AKAP13: variants seen among roughly 807,000 people sequenced by gnomAD.
AKAP13 encodes A-kinase anchor protein 13.
In AKAP13, 80 loss-of-function variants were observed where a neutral mutation model predicts 264.5. The observed-to-expected ratio is 0.30, with a 90% CI of 0.25 to 0.36. The LOEUF (loss-of-function observed/expected upper bound fraction) is 0.36, where lower values mean the gene tolerates loss of function less well. Among genes scored for constraint, AKAP13 ranks in the 10% least tolerant of loss-of-function variants. AKAP13 has a pLI of 1.00. For missense variants in AKAP13, 3,712 were observed against 3,435.2 expected, an observed-to-expected ratio of 1.08 and a Z score of -2.01; for synonymous variants, 1,380 against 1,250.2, an observed-to-expected ratio of 1.10 and a Z score of -2.19.
chr15:85,632,850 A>G (rs1301168222), intron 8 of AKAP13, among the ~76,000 whole-genome samples: 1 of 143,462 alleles, frequency 7.0e-6, no homozygotes, highest in African/African-American at 2.6e-5. Flanking sequence ...GAAGGTAATG[A>G]AAAGTATTCT....
At chr15:85,542,352 G>T (rs1159972233) in intron 4 of AKAP13, among the ~76,000 whole-genome samples, 1 of 152,142 alleles carries the variant, frequency 6.6e-6, no homozygotes, top group Non-Finnish European at 1.5e-5. Context: ...ATGAAAAATT[G>T]TGCTTCCAAG....
intron 1 of AKAP13, among the ~76,000 whole-genome samples, chr15:85,427,521 G>A (rs914880425): frequency 1.2e-4 from 19 of 152,070 alleles, no homozygotes; most frequent in African/African-American, 2.4e-4. Context: ...GTGTGTGTGC[G>A]CACACACACG....
In AKAP13 at chr15:85,579,886, C is replaced by A; in HGVS notation, c.1818C>A (p.Leu606=). The change falls in exon 7 of 37, where the codon CTC becomes CTA. Residue 606 remains leucine (L), a synonymous_variant. Coordinates refer to ENST00000394518, the MANE Select transcript of AKAP13 (RefSeq NM_007200.5). ...CAGATGGATTAGAACCTTATACTCTCTTAGCAGCAGGCATAGGTGAGGCAA... is the reference window on the plus strand; with the variant it reads ...CAGATGGATTAGAACCTTATACTCTATTAGCAGCAGGCATAGGTGAGGCAA... ...KISDGLEPYT[L]LAAGIGEAMS... is the part of the protein sequence containing the mutation. The A allele has an allele frequency of 6.2e-7, 1 of 1,614,212 alleles. No individual in the cohort carries two copies. The highest frequency in any genetic ancestry group is 1.3e-5 in the African/African-American group (1 of 75,062).
chr15:85,581,550 A>G lies in AKAP13; in HGVS notation c.3482A>G (p.Lys1161Arg), dbSNP rs146289419. The change falls in exon 7 of 37, where the codon AAG becomes AGG. Residue 1161 changes from lysine to arginine, a missense_variant. Transcript: ENST00000394518. ...EMIPLDWEKG[K>R]LEGADHSCTM... ...ATACCTCTTGATTGGGAGAAAGGGA[A>G]GCTGGAGGGAGCAGACCACAGCTGT... 3 of 1,614,192 alleles carry G rather than the reference A, an allele frequency of 1.9e-6. No homozygotes were observed. The highest frequency in any genetic ancestry group is 1.1e-5 in the South Asian group (1 of 91,082).
chr15:85,704,001 T>G (rs192476625), intron 17 of AKAP13, among the ~76,000 whole-genome samples: 1 of 152,246 alleles, frequency 6.6e-6, no homozygotes, highest in East Asian at 1.9e-4. Flanking sequence ...TTTAACTGTT[T>G]TTTGTTTTAT....
At chr15:85,553,769 G>A (rs757888008) in intron 5 of AKAP13, among the ~76,000 whole-genome samples, 10 of 152,198 alleles carry the variant, frequency 6.6e-5, no homozygotes, top group African/African-American at 2.2e-4. Context: ...GTGTCAGGCG[G>A]GCGAGCGAGC....
chr15:85,647,079 A>G (rs1018636344), intron 10 of AKAP13, among the ~76,000 whole-genome samples: 1 of 152,188 alleles, frequency 6.6e-6, no homozygotes, highest in Non-Finnish European at 1.5e-5. Context: ...TAGGTTGTCC[A>G]AGATGGTGAA....
rs2083400892 is a variant in AKAP13, at chr15:85,662,478, C to CA, written c.4800-2084dup. ...GGTATGATATTGTTATGTGTCCCGC[C>CA]ACCAAATGGGGAACCATAAAATACG... On this transcript the variant is annotated intron_variant, in intron 12 of 36. Coordinates refer to ENST00000394518, the MANE Select transcript of AKAP13 (RefSeq NM_007200.5). 4 of 1,613,608 alleles carry CA rather than the reference C, an allele frequency of 2.5e-6. No individual in the cohort carries two copies. In the Admixed American group the frequency reaches 5.0e-5, roughly 20 times the overall value.
At chr15:85,538,802 A>C (rs2077487755) in intron 4 of AKAP13, among the ~76,000 whole-genome samples, 1 of 136,392 alleles carries the variant, frequency 7.3e-6, no homozygotes, top group Non-Finnish European at 1.6e-5. Context: ...ATAGCTTTTC[A>C]TAAATATTTT....
In AKAP13 at chr15:85,666,773, G is replaced by A. The variant is rs548019316; in HGVS notation, c.4992+2018G>A. Among the ~76,000 whole-genome samples, 8 of 152,278 alleles carry A rather than the reference G, an allele frequency of 5.3e-5. No homozygotes were observed. The South Asian group carries it at 1.7e-3, about 32-fold the overall frequency. ...TAATTTCTGCTGCTACCAGTCTCTT[G>A]AAACTCCTGTCTTGAAGGTCATGGA... On this transcript the variant is annotated intron_variant, in intron 13 of 36. Coordinates refer to ENST00000394518, the MANE Select transcript of AKAP13 (RefSeq NM_007200.5).
At chr15:85,410,301 T>C (rs538165340) in intron 1 of AKAP13, among the ~76,000 whole-genome samples, 4 of 151,634 alleles carry the variant, frequency 2.6e-5, no homozygotes, top group Non-Finnish European at 4.4e-5. Context: ...CAGTAGTAGT[T>C]GTCTTGGGGC....
chr15:85,537,428 T>G (rs75114119), intron 4 of AKAP13, among the ~76,000 whole-genome samples: 75 of 152,386 alleles, frequency 4.9e-4, no homozygotes, highest in African/African-American at 1.4e-3. Context: ...AAGTAGTTTA[T>G]GTAAGATTTA....
At position 85,581,046 on chromosome 15, in the gene AKAP13, C is replaced by T; in HGVS notation, c.2978C>T (p.Ala993Val). 1 of 1,613,900 alleles carries T rather than the reference C, an allele frequency of 6.2e-7. No homozygotes were observed. The highest frequency in any genetic ancestry group is 8.5e-7 in the Non-Finnish European group (1 of 1,179,902). Residue 993 changes from alanine (A) to valine (V), a missense_variant, in exon 7 of 37, where the codon GCA becomes GTA. By Grantham distance (64) the Ala-to-Val change is moderately conservative. Around this residue, in one of 3 missense-constraint regions of AKAP13, gnomAD observed 2,759 missense variants for 2,411.7 expected, o/e 1.14. Transcript: ENST00000394518. ...SPGASSAFLKAETEHNKEVAP... is the reference protein window; with the variant it reads ...SPGASSAFLKVETEHNKEVAP... ...GGTGCATCCTCTGCCTTTCTTAAGG[C>T]AGAAACTGAACATAACAAGGAAGTG...
At chr15:85,415,478 G>A in intron 1 of AKAP13, 1 of 1,581,602 alleles carries the variant, frequency 6.3e-7, no homozygotes, top group Non-Finnish European at 8.6e-7. Context: ...GAAAAACTCA[G>A]ACTGTGTGCA....
chr15:85,490,694 G>A (rs892396102), intron 2 of AKAP13, among the ~76,000 whole-genome samples: 1 of 152,164 alleles, frequency 6.6e-6, no homozygotes, highest in Non-Finnish European at 1.5e-5. Flanking sequence ...GGCTGGAGCT[G>A]GGCAATTTAT....
rs771450188 is a variant in AKAP13 at position 85,727,049 on chromosome 15, C to T, written c.6823-17C>T. 1 of 1,613,664 alleles carries T rather than the reference C, an allele frequency of 6.2e-7. No individual in the cohort carries two copies. The highest frequency in any genetic ancestry group is 1.3e-5 in the African/African-American group (1 of 74,962). The stretch of plus-strand genomic sequence containing the variant: ...ATTGTATATGTATCTTTTATTTGCC[C>T]TCTTCCCTTTTTCCAGGACCAGAAG... On this transcript the variant is annotated splice_polypyrimidine_tract_variant and intron_variant, in intron 27 of 36. Transcript: ENST00000394518. The surrounding 1 kb of genome is among the most constrained non-coding windows in gnomAD (Gnocchi z 5.3).
At chr15:85,494,916 GAT>G (rs1225585760) in intron 2 of AKAP13, among the ~76,000 whole-genome samples, 5 of 152,132 alleles carry the variant, frequency 3.3e-5, no homozygotes, top group Admixed American at 6.5e-5. Flanking sequence ...TATTCAAAAA[GAT>G]AGCATTGTGC....
chr15:85,604,789 A>C (rs200823736), intron 8 of AKAP13, among the ~76,000 whole-genome samples: 4 of 24,144 alleles, frequency 1.7e-4, no homozygotes, highest in African/African-American at 5.8e-4. Context: ...GGTTCATCAG[A>C]ATGAGAGTTA....
intron 1 of AKAP13, among the ~76,000 whole-genome samples, chr15:85,437,066 C>T (rs1254170388): frequency 6.9e-6 from 1 of 145,412 alleles, no homozygotes; most frequent in Admixed American, 6.9e-5. Context: ...AATTGATAGA[C>T]CACTAGCAAG....
Sources: gnomAD v4.1 joint callset for allele counts (sites outside exome capture counted in the v4.1 genomes callset) on GRCh38, gnomAD v4.1.1 for gene constraint, gnomAD v4.1.1 regional missense constraint, Gnocchi (gnomAD v3.1) non-coding constraint, MANE v1.5 for transcripts, NCBI Gene and HGNC (gene_info 2026-07-23, HGNC 2026-07-21) for gene names.